Variants in ADGRL2 observed in about 807,000 individuals in gnomAD.
ADGRL2 encodes adhesion G protein-coupled receptor L2, also known as calcium-independent alpha-latrotoxin receptor 2.
Under a neutral mutation model 157.4 loss-of-function variants are expected in ADGRL2, and 44 were observed. The ratio of observed to expected loss-of-function variants is 0.28; its 90% CI spans 0.22 to 0.36. ADGRL2 has a LOEUF of 0.36. Ranked by LOEUF, ADGRL2 falls within the 10% of genes least tolerant of loss-of-function variation. The pLI is 1.00. For missense variants in ADGRL2, 1,510 were observed against 1,768.9 expected (o/e 0.85, Z 2.63); for synonymous variants, 585 against 624.7 (o/e 0.94, Z 0.95).
At chr1:81,736,398 G>A (rs560347043) in intron 1 of ADGRL2, among the ~76,000 whole-genome samples, 7 of 152,156 alleles carry the variant, frequency 4.6e-5, no homozygotes, top group East Asian at 1.9e-4. Flanking sequence ...GCATCATCCC[G>A]TATCTTTCTC....
chr1:81,888,059 C>T (rs1439092820), intron 2 of ADGRL2, among the ~76,000 whole-genome samples: 2 of 152,216 alleles, frequency 1.3e-5, no homozygotes, highest in Non-Finnish European at 2.9e-5. Flanking sequence ...CCAGGGAAAG[C>T]TGTCAAACCC....
intron 3 of ADGRL2, among the ~76,000 whole-genome samples, chr1:81,919,263 A>C (rs1318044594): frequency 6.6e-6 from 1 of 152,172 alleles, no homozygotes; most frequent in Non-Finnish European, 1.5e-5. Flanking sequence ...TTTGAGCTAG[A>C]ATAACCCATT....
At chr1:81,793,803 A>G (rs1291162712) in intron 2 of ADGRL2, among the ~76,000 whole-genome samples, 1 of 152,126 alleles carries the variant, frequency 6.6e-6, no homozygotes, top group African/African-American at 2.4e-5. Flanking sequence ...GCAACAGGGC[A>G]TTGGAGAGAA....
At chr1:81,861,352 C>A (rs1259633520) in intron 2 of ADGRL2, among the ~76,000 whole-genome samples, 1 of 152,044 alleles carries the variant, frequency 6.6e-6, no homozygotes, top group Non-Finnish European at 1.5e-5. Flanking sequence ...GATAAAGTAG[C>A]AAAGTATTTT....
At chr1:81,463,638 G>A (rs571110289) in intron 2 of ADGRL2, among the ~76,000 whole-genome samples, 2 of 152,206 alleles carry the variant, frequency 1.3e-5, no homozygotes, top group South Asian at 2.1e-4. Flanking sequence ...TTTATGTGTC[G>A]TGGATTCTCT....
intron 3 of ADGRL2, among the ~76,000 whole-genome samples, chr1:81,614,690 C>CA (rs1165210174): frequency 6.6e-6 from 1 of 151,990 alleles, no homozygotes; most frequent in Non-Finnish European, 1.5e-5. Flanking sequence ...ACATGTCTAA[C>CA]AAAAAGGAAG....
At chr1:81,412,945 TG>T (rs1448420266) in intron 1 of ADGRL2, among the ~76,000 whole-genome samples, 2 of 152,258 alleles carry the variant, frequency 1.3e-5, no homozygotes, top group Non-Finnish European at 2.9e-5. Context: ...TTTTTTCTAT[TG>T]TTTTATTTTA....
rs114526004 is a variant in ADGRL2 at position 81,582,374 on chromosome 1, A to G, written c.-143+1394A>G. Among the ~76,000 whole-genome samples, 679 of 152,202 alleles carry G rather than the reference A, an allele frequency of 4.5e-3. 6 individuals carry two copies. Among genetic ancestry groups the G allele is most frequent in the African/African-American group, 0.016 (648 of 41,520 alleles). On this transcript the variant is annotated intron_variant, in intron 3 of 24. Coordinates refer to the ADGRL2 transcript ENST00000370721. ...AAAATAACTATTTTTATACTTTTGC[A>G]TGGCTTCTGTGTATTGCAATAATTT...
chr1:81,883,949 T>C (rs1205339135), intron 2 of ADGRL2, among the ~76,000 whole-genome samples: 3 of 152,040 alleles, frequency 2.0e-5, no homozygotes, highest in Non-Finnish European at 2.9e-5. Context: ...TCAAGTGTTA[T>C]GGATTCTTAA....
intron 2 of ADGRL2, among the ~76,000 whole-genome samples, chr1:81,511,426 A>ACACACACG (rs1491576683): frequency 4.6e-5 from 7 of 150,734 alleles, no homozygotes; most frequent in African/African-American, 1.7e-4. Flanking sequence ...ACACACACAC[A>ACACACACG]TAGACACATA....
In ADGRL2 at chr1:81,730,071, G is replaced by A. The variant is rs143055977; in HGVS notation, c.-143+30263G>A. ...ATGCTCTTTAATCCAGTGATCCTAG[G>A]AAGGCACAACTGTCAGCACAGATCT... On this transcript the variant is annotated intron_variant, in intron 1 of 20. Transcript: ENST00000359929. Among the ~76,000 whole-genome samples the A allele has an allele frequency of 6.1e-3, 934 of 152,172 alleles. 3 individuals carry two copies. Among genetic ancestry groups the A allele is most frequent in the Middle Eastern group, 0.014 (4 of 294 alleles).
rs1570760827 is a variant in ADGRL2 at position 81,374,503 on chromosome 1, T to C, written c.-302+67994T>C. On this transcript the variant is annotated intron_variant, in intron 1 of 24. Transcript: ENST00000370721. ...GAGAGAATCACTTGAACCTGGGAGATGGAGGTTGCAGTGAGCTGAGATCGT... is the reference window on the plus strand; with the variant it reads ...GAGAGAATCACTTGAACCTGGGAGACGGAGGTTGCAGTGAGCTGAGATCGT... Among the ~76,000 whole-genome samples, 2 of 147,506 alleles carry C rather than the reference T, an allele frequency of 1.4e-5. 1 individual carries two copies. The highest frequency in any genetic ancestry group is 5.0e-5 in the African/African-American group (2 of 39,700).
intron 3 of ADGRL2, among the ~76,000 whole-genome samples, chr1:81,603,101 C>T (rs370035714): frequency 5.3e-5 from 8 of 152,214 alleles, no homozygotes; most frequent in African/African-American, 1.9e-4. Context: ...CCCTCTCTCC[C>T]TCACACATCT....
At chr1:81,656,558 C>T (rs1370381060) in intron 3 of ADGRL2, among the ~76,000 whole-genome samples, 1 of 152,120 alleles carries the variant, frequency 6.6e-6, no homozygotes, top group Admixed American at 6.5e-5. Context: ...CACGATGTGC[C>T]AGATGTCTTT....
At chr1:81,597,433 G>A (rs2081257195) in intron 3 of ADGRL2, among the ~76,000 whole-genome samples, 1 of 152,066 alleles carries the variant, frequency 6.6e-6, no homozygotes, top group Non-Finnish European at 1.5e-5. Context: ...TTGAATTAAA[G>A]TTTAAAAAAC....
intron 1 of ADGRL2, among the ~76,000 whole-genome samples, chr1:81,390,560 A>T (rs536412854): frequency 1.3e-5 from 2 of 151,032 alleles, no homozygotes; most frequent in East Asian, 3.9e-4. Flanking sequence ...TAATGTGAAC[A>T]GTAAATGCCC....
intron 3 of ADGRL2, among the ~76,000 whole-genome samples, chr1:81,679,782 G>C (rs1009143404): frequency 2.0e-5 from 3 of 152,124 alleles, no homozygotes; most frequent in African/African-American, 7.2e-5. Flanking sequence ...TCATGCTAAA[G>C]ATCTGTTTAC....
chr1:81,969,348 A>G lies in ADGRL2; in HGVS notation c.2694A>G (p.Glu898=). 2 of 1,613,924 alleles carry G rather than the reference A, an allele frequency of 1.2e-6. No individual in the cohort carries two copies. The highest frequency in any genetic ancestry group is 1.7e-6 in the Non-Finnish European group (2 of 1,179,874). The part of the protein sequence containing the change: ...KNLCINLFIA[E]FIFLIGIDKT... Reference sequence around the variant, plus strand: ...TTTGTATCAACCTTTTCATTGCTGAATTTATTTTCCTAATAGGCATTGATA... The same window carrying G: ...TTTGTATCAACCTTTTCATTGCTGAGTTTATTTTCCTAATAGGCATTGATA... The change falls in exon 15 of 24, where the codon GAA becomes GAG. Residue 898 remains glutamate (E), a synonymous_variant. Coordinates refer to ENST00000686636, the MANE Select transcript of ADGRL2 (RefSeq NM_001366006.2).
chr1:81,913,624 A>T (rs2094784856), intron 3 of ADGRL2, among the ~76,000 whole-genome samples: 1 of 152,198 alleles, frequency 6.6e-6, no homozygotes, highest in South Asian at 2.1e-4. Flanking sequence ...GGCTCATCAT[A>T]TTCTAATTCC....
Sources: gnomAD v4.1 joint callset for allele counts (sites outside exome capture counted in the v4.1 genomes callset) on GRCh38, gnomAD v4.1.1 for gene constraint, MANE v1.5 for transcripts, NCBI Gene and HGNC (gene_info 2026-07-23, HGNC 2026-07-21) for gene names.